SLC4A8: variants seen among roughly 807,000 people sequenced by gnomAD.
SLC4A8 encodes electroneutral sodium bicarbonate exchanger 1.
Under a neutral mutation model 125.0 loss-of-function variants are expected in SLC4A8, and 40 were observed. The ratio of observed to expected loss-of-function variants is 0.32; its 90% CI spans 0.25 to 0.42. The LOEUF (loss-of-function observed/expected upper bound fraction) is 0.42, where lower values mean the gene tolerates loss of function less well. SLC4A8 is among the 10% of genes least tolerant of loss of function. The pLI is 1.00. For synonymous variants in SLC4A8, 456 were observed against 476.0 expected (o/e 0.96, Z 0.55); for missense variants, 863 against 1,355.1 (o/e 0.64, Z 5.70).
intron 16 of SLC4A8, among the ~76,000 whole-genome samples, chr12:51,476,906 C>CTT (rs67928969): frequency 1.3e-4 from 16 of 118,534 alleles, no homozygotes; most frequent in South Asian, 2.7e-4. Context: ...TTTTTCTTTT[C>CTT]TTTTTTTTTT....
At chr12:51,402,504 C>T (rs1948410879) in intron 1 of SLC4A8, among the ~76,000 whole-genome samples, 1 of 152,086 alleles carries the variant, frequency 6.6e-6, no homozygotes, top group South Asian at 2.1e-4. Context: ...CGTGGATCAC[C>T]TGAGGTCGGG....
At chr12:51,402,576 C>G (rs1948412268) in intron 1 of SLC4A8, among the ~76,000 whole-genome samples, 1 of 151,936 alleles carries the variant, frequency 6.6e-6, no homozygotes, top group African/African-American at 2.4e-5. Flanking sequence ...GCAAAAATTA[C>G]CTGGGTGTAG....
chr12:51,412,117 G>A (rs951219669), intron 1 of SLC4A8, among the ~76,000 whole-genome samples: 8 of 152,072 alleles, frequency 5.3e-5, no homozygotes, highest in Non-Finnish European at 7.4e-5. Flanking sequence ...ACAACAGCAT[G>A]CCTTTCACTC....
Position 51,495,152 on chromosome 12 carries a change from T to G in SLC4A8, c.2943+34T>G, listed in dbSNP as rs370175883. 1.9e-6 allele frequency: 3 copies of G among 1,544,046 alleles called. No individual in the cohort carries two copies. In the African/African-American group the frequency reaches 4.2e-5, roughly 21 times the overall value. On this transcript the variant is annotated intron_variant, in intron 21 of 24. Coordinates refer to ENST00000453097, the MANE Select transcript of SLC4A8 (RefSeq NM_001039960.3). ...GTTTTTAAAAAATAAATTCTTATTATCATTGTTATTTTTTAGTGGTAAAAT... is the reference window on the plus strand; with the variant it reads ...GTTTTTAAAAAATAAATTCTTATTAGCATTGTTATTTTTTAGTGGTAAAAT...
intron 1 of SLC4A8, among the ~76,000 whole-genome samples, chr12:51,415,726 A>T (rs1342693708): frequency 1.3e-5 from 2 of 151,168 alleles, no homozygotes; most frequent in Admixed American, 1.3e-4. Flanking sequence ...TATCTTGGAC[A>T]CAAATATGGA....
At position 51,509,738 on chromosome 12, in the gene SLC4A8, T is replaced by C; in HGVS notation, c.*2300T>C. On this transcript the variant is annotated 3_prime_UTR_variant, in exon 25 of 25. Coordinates refer to ENST00000453097, the MANE Select transcript of SLC4A8 (RefSeq NM_001039960.3). ...GGGAGGAGCCTTCATTAACTCTGTGTAGTGCAGGTACAGGACCACCTGTGC... is the reference window on the plus strand; with the variant it reads ...GGGAGGAGCCTTCATTAACTCTGTGCAGTGCAGGTACAGGACCACCTGTGC... 1 of 152,244 alleles carries C rather than the reference T, an allele frequency of 6.6e-6. No homozygotes were observed. The highest frequency in any genetic ancestry group is 3.2e-3 in the Middle Eastern group (1 of 316). 9.4% of individuals were successfully genotyped at this position (152,244 alleles called of 1,614,324 possible).
intron 2 of SLC4A8, among the ~76,000 whole-genome samples, chr12:51,446,310 A>G (rs945359002): frequency 1.3e-5 from 2 of 152,236 alleles, no homozygotes; most frequent in Non-Finnish European, 2.9e-5. Flanking sequence ...TAAACATTTT[A>G]TCCTCCTGCC....
At chr12:51,471,202 A>G (rs1394359314) in intron 13 of SLC4A8, 85 bp from the exon 14 acceptor site, 6 of 1,305,158 alleles carry the variant, frequency 4.6e-6, no homozygotes, top group Non-Finnish European at 6.4e-6. Context: ...GCTTGTTTAG[A>G]TGAAATGAAT....
Position 51,508,861 on chromosome 12 carries a change from T to C in SLC4A8, c.*1423T>C, listed in dbSNP as rs1398325648. ...TTGTACAGTGGGAAGTTCCCCGATGTGTTTTTCTTTCTTAGGTGAAGGGTT... is the reference window on the plus strand; with the variant it reads ...TTGTACAGTGGGAAGTTCCCCGATGCGTTTTTCTTTCTTAGGTGAAGGGTT... On this transcript the variant is annotated 3_prime_UTR_variant, in exon 25 of 25. Transcript: ENST00000453097. 1.3e-5 allele frequency: 2 copies of C among 152,246 alleles called. No individual in the cohort carries two copies. The highest frequency in any genetic ancestry group is 4.8e-5 in the African/African-American group (2 of 41,468). 9.4% of individuals were successfully genotyped at this position (152,246 alleles called of 1,614,324 possible). A position where few individuals can be genotyped will look rare whatever the true frequency, so the allele number is the denominator to read the frequency against.
intron 1 of SLC4A8, among the ~76,000 whole-genome samples, chr12:51,404,669 C>T (rs1005650982): frequency 6.6e-6 from 1 of 152,102 alleles, no homozygotes; most frequent in Admixed American, 6.6e-5. Context: ...TCAACTTGAC[C>T]GTGAAGCCAA....
chr12:51,475,802 T>G (rs1218917655), intron 16 of SLC4A8, among the ~76,000 whole-genome samples: 1 of 152,096 alleles, frequency 6.6e-6, no homozygotes, highest in East Asian at 1.9e-4. Flanking sequence ...GAGTGTGGAG[T>G]AGCTACATGG....
intron 19 of SLC4A8, 121 bp downstream of exon 19, chr12:51,490,072 A>T: frequency 1.1e-6 from 1 of 887,920 alleles, no homozygotes; most frequent in African/African-American, 1.7e-5. Flanking sequence ...GCCCTGAAAG[A>T]GTTTATTCTA....
intron 1 of SLC4A8, 169 bp downstream of exon 1, chr12:51,425,204 A>G (rs1948927398): frequency 7.1e-7 from 1 of 1,408,082 alleles, no homozygotes; most frequent in South Asian, 1.5e-5. Flanking sequence ...GTTGGGGACC[A>G]GGCCAGGGCT....
At chr12:51,478,798 A>G (rs1043905977) in intron 16 of SLC4A8, among the ~76,000 whole-genome samples, 2 of 152,226 alleles carry the variant, frequency 1.3e-5, no homozygotes, top group African/African-American at 4.8e-5. Context: ...ATTGTGAACA[A>G]TCAGGATTCT....
At chr12:51,419,114 G>A (rs2137996624) in intron 1 of SLC4A8, among the ~76,000 whole-genome samples, 1 of 152,264 alleles carries the variant, frequency 6.6e-6, no homozygotes, top group Admixed American at 6.5e-5. Context: ...TTTCTAGGAA[G>A]CCATACAATT....
chr12:51,405,845 C>G (rs1430735499), intron 1 of SLC4A8, among the ~76,000 whole-genome samples: 1 of 152,162 alleles, frequency 6.6e-6, no homozygotes, highest in African/African-American at 2.4e-5. Context: ...CCTTTGTCAA[C>G]TAGGAGAGTG....
At chr12:51,394,440 C>T (rs958542017) in intron 1 of SLC4A8, among the ~76,000 whole-genome samples, 2 of 152,210 alleles carry the variant, frequency 1.3e-5, no homozygotes, top group African/African-American at 4.8e-5. Context: ...GCTTCCTCTC[C>T]ACCAAGCCAG....
In SLC4A8 at chr12:51,464,059, ACT is replaced by A. The variant is rs531631210; in HGVS notation, c.1349+352_1349+353del. Among the ~76,000 whole-genome samples, 5 of 151,862 alleles carry A rather than the reference ACT, an allele frequency of 3.3e-5. No individual in the cohort carries two copies. In the East Asian group the frequency reaches 7.7e-4, roughly 24 times the overall value. On this transcript the variant is annotated intron_variant, in intron 11 of 24. Transcript: ENST00000453097. ...CACTTCCTTTGGAAAGCCTTCTAGGACTCTCTCTGGATGAGGTTAGGTGTTCC... is the reference window on the plus strand; with the variant it reads ...CACTTCCTTTGGAAAGCCTTCTAGGACTCTCTGGATGAGGTTAGGTGTTCC...
intron 19 of SLC4A8, among the ~76,000 whole-genome samples, chr12:51,493,189 G>C (rs758752731): frequency 2.0e-5 from 3 of 152,090 alleles, no homozygotes; most frequent in African/African-American, 7.2e-5. Flanking sequence ...TTCAAGTGCA[G>C]TATAATAATG....
Sources: gnomAD v4.1 joint callset for allele counts (sites outside exome capture counted in the v4.1 genomes callset) on GRCh38, gnomAD v4.1.1 for gene constraint, MANE v1.5 for transcripts, NCBI Gene and HGNC (gene_info 2026-07-23, HGNC 2026-07-21) for gene names.